Variants in CAST observed in about 807,000 individuals in gnomAD.
CAST encodes the protein MIR583 host.
In CAST, 76 loss-of-function variants were observed where a neutral mutation model predicts 119.6. That is an observed-to-expected ratio of 0.64 (90% CI 0.53 to 0.77). The LOEUF is 0.77. Among genes scored for constraint, CAST ranks in the 30% least tolerant of loss-of-function variants. The probability of loss-of-function intolerance (pLI) is 0.00; values close to 1 mark genes in which losing one functional copy is unlikely to be tolerated. For synonymous variants in CAST, 319 were observed against 331.6 expected, an observed-to-expected ratio of 0.96 and a Z score of 0.41; for missense variants, 953 against 946.5, an observed-to-expected ratio of 1.01 and a Z score of -0.09.
chr5:96,681,879 C>T (rs1246627803), intron 2 of CAST, among the ~76,000 whole-genome samples: 1 of 151,830 alleles, frequency 6.6e-6, no homozygotes, highest in Non-Finnish European at 1.5e-5. Flanking sequence ...CTTCCTAAAC[C>T]TACATATGCA....
At chr5:96,758,747 G>A (rs952298189) in intron 24 of CAST, among the ~76,000 whole-genome samples, 7 of 152,164 alleles carry the variant, frequency 4.6e-5, no homozygotes, top group African/African-American at 1.4e-4. Context: ...AAAGCACCGT[G>A]CTGCTCAGTC....
the CAST span, chr5:96,393,450 C>T: frequency 2.6e-6 from 4 of 1,568,460 alleles, no homozygotes; most frequent in Non-Finnish European, 3.5e-6. Context: ...AGTTGCAACC[C>T]TACCACAGGA....
chr5:96,108,948 C>T, the CAST span, among the ~76,000 whole-genome samples: 857 of 152,358 alleles, frequency 5.6e-3, 9 homozygotes, highest in African/African-American at 0.019. Context: ...TTAAGCCCAT[C>T]GGAAAAGCGC....
At chr5:96,698,454 T>C (rs1753548351) in intron 3 of CAST, among the ~76,000 whole-genome samples, 1 of 152,234 alleles carries the variant, frequency 6.6e-6, no homozygotes, top group Admixed American at 6.5e-5. Flanking sequence ...TCACCATGCT[T>C]TTCTGACTCA....
the CAST span, among the ~76,000 whole-genome samples, chr5:96,128,338 T>C: frequency 6.6e-6 from 1 of 152,086 alleles, no homozygotes; most frequent in East Asian, 1.9e-4. Flanking sequence ...CTACACAGTA[T>C]TTGATTTTAG....
At chr5:96,370,665 T>G in the CAST span, among the ~76,000 whole-genome samples, 4 of 151,170 alleles carry the variant, frequency 2.6e-5, no homozygotes, top group Admixed American at 6.6e-5. Flanking sequence ...ATATTCACGG[T>G]AGGGATAGGA....
rs1773015950 is a variant in CAST, at chr5:96,773,022, T to C, written c.*406T>C. 6.5e-6 allele frequency: 1 copy of C among 153,886 alleles called. No homozygotes were observed. The highest frequency in any genetic ancestry group is 1.5e-5 in the Non-Finnish European group (1 of 68,014). The allele number at this position is 153,886 out of a possible 1,614,324, so 9.5% of individuals were successfully genotyped here. A position where few individuals can be genotyped will look rare whatever the true frequency, so the allele number is the denominator to read the frequency against. On this transcript the variant is annotated 3_prime_UTR_variant, in exon 32 of 32. Transcript: ENST00000675179. ...TTTTCAGTTTGCCCTTAATTTTTTT[T>C]GTTAGTGTTTAGAAAACAATGTTTT...
the CAST span, among the ~76,000 whole-genome samples, chr5:96,455,193 C>T: frequency 6.6e-6 from 1 of 152,172 alleles, no homozygotes. Context: ...GAAACCTAGC[C>T]TGCATCTCCT....
the CAST span, among the ~76,000 whole-genome samples, chr5:96,449,469 C>T: frequency 7.2e-5 from 11 of 152,188 alleles, no homozygotes; most frequent in Non-Finnish European, 1.5e-4. Context: ...CCCAACCCTG[C>T]ACACCATCCA....
intron 1 of CAST, among the ~76,000 whole-genome samples, chr5:96,643,344 A>C (rs1747975869): frequency 6.6e-6 from 1 of 152,224 alleles, no homozygotes. Flanking sequence ...ATTTATATGA[A>C]ATATTCAGAA....
chr5:96,368,140 C>T, the CAST span, among the ~76,000 whole-genome samples: 1 of 151,856 alleles, frequency 6.6e-6, no homozygotes, highest in Admixed American at 6.6e-5. Flanking sequence ...TCCTTTCCTT[C>T]CCTTCCCTTT....
chr5:96,521,456 T>C (rs1745518004), upstream of CAST, among the ~76,000 whole-genome samples: 1 of 152,178 alleles, frequency 6.6e-6, no homozygotes, highest in Admixed American at 6.5e-5. Context: ...AGGCCTAGTA[T>C]GCAATGCCCT....
At chr5:96,342,074 T>C in the CAST span, among the ~76,000 whole-genome samples, 1 of 152,212 alleles carries the variant, frequency 6.6e-6, no homozygotes, top group Non-Finnish European at 1.5e-5. Flanking sequence ...AAGATTCTTC[T>C]TCCTCACTAA....
chr5:96,455,944 A>C, the CAST span, among the ~76,000 whole-genome samples: 2,575 of 152,308 alleles, frequency 0.017, 71 homozygotes, highest in African/African-American at 0.059. Context: ...CACCTGGCCC[A>C]GGAGGCCTTC....
chr5:96,039,273 G>A, the CAST span, among the ~76,000 whole-genome samples: 1 of 152,178 alleles, frequency 6.6e-6, no homozygotes, highest in African/African-American at 2.4e-5. Context: ...CTGGGTATTA[G>A]CCCTTTGTCA....
At chr5:96,603,956 GC>G (rs1246102820) in intron 1 of CAST, among the ~76,000 whole-genome samples, 3 of 151,764 alleles carry the variant, frequency 2.0e-5, no homozygotes, top group African/African-American at 7.3e-5. Context: ...GTAGAAACGT[GC>G]CCTCCCTACA....
chr5:96,432,163 C>A, the CAST span: 1 of 1,532,916 alleles, frequency 6.5e-7, no homozygotes, highest in Non-Finnish European at 8.7e-7. Context: ...ACTGGCCGGG[C>A]AAAGTTATGA....
Position 96,742,663 on chromosome 5 carries a change from G to A in CAST, c.1107G>A (p.Met369Ile). Residue 369 changes from methionine to isoleucine, a missense_variant, in exon 16 of 32, where the codon ATG (methionine) becomes ATA (isoleucine). Transcript: ENST00000675179. ...EKKRKVEKDTMSDQALEALSA... is the reference protein window; with the variant it reads ...EKKRKVEKDTISDQALEALSA... Reference sequence around the variant, plus strand: ...TTTTTTACTTTTAACAGGATACAATGAGTGATCAAGCACTCGAGGCTCTGT... The same window carrying A: ...TTTTTTACTTTTAACAGGATACAATAAGTGATCAAGCACTCGAGGCTCTGT... 1.2e-6 allele frequency: 2 copies of A among 1,610,786 alleles called. No individual in the cohort carries two copies. Among genetic ancestry groups the A allele is most frequent in the Non-Finnish European group, 8.5e-7 (1 of 1,176,996 alleles).
the CAST span, among the ~76,000 whole-genome samples, chr5:96,469,268 A>G: frequency 2.0e-5 from 3 of 152,098 alleles, no homozygotes; most frequent in Admixed American, 6.6e-5. Context: ...TTTGTTCTCA[A>G]TATCATCATG....
Sources: gnomAD v4.1 joint callset for allele counts (sites outside exome capture counted in the v4.1 genomes callset) on GRCh38, gnomAD v4.1.1 for gene constraint, MANE v1.5 for transcripts, NCBI Gene and HGNC (gene_info 2026-07-23, HGNC 2026-07-21) for gene names.